Variants in PTPRN2 observed in about 807,000 individuals in gnomAD.
PTPRN2 encodes the protein receptor-type tyrosine-protein phosphatase N2.
PTPRN2 carries 74 observed loss-of-function variants against 118.8 expected under a neutral mutation model. The ratio of observed to expected loss-of-function variants is 0.62; its 90% CI spans 0.52 to 0.76. PTPRN2 has a LOEUF of 0.76. PTPRN2 is among the 30% of genes least tolerant of loss of function. The pLI is 0.00. For missense variants in PTPRN2, 1,481 were observed against 1,394.4 expected (o/e 1.06, Z -0.99); for synonymous variants, 641 against 608.0 (o/e 1.05, Z -0.80).
chr7:157,813,565 G>T lies in PTPRN2; in HGVS notation c.1788+85108C>A, dbSNP rs369528558. On this transcript the variant is annotated intron_variant, in intron 12 of 22. Transcript: ENST00000389418. This position sits in a 1 kb window ranked among gnomAD's most constrained non-coding sequence, Gnocchi z 4.7. ...CGTATAAAAAAGAAAGTTCAAATGC[G>T]CAGAAGAAAGATCAGAGGACAAGAT... 6.6e-6 allele frequency among the ~76,000 whole-genome samples: 1 copy of T among 152,198 alleles called. No individual in the cohort carries two copies. Among genetic ancestry groups the T allele is most frequent in the East Asian group, 1.9e-4 (1 of 5,206 alleles).
At chr7:158,523,979 G>A (rs1824531513) in intron 1 of PTPRN2, among the ~76,000 whole-genome samples, 1 of 77,532 alleles carries the variant, frequency 1.3e-5, no homozygotes, top group Non-Finnish European at 2.6e-5. Context: ...CGGCCCTGGA[G>A]TGGAGTCTGC....
At chr7:157,905,463 G>T (rs1389438429) in intron 11 of PTPRN2, among the ~76,000 whole-genome samples, 1 of 152,036 alleles carries the variant, frequency 6.6e-6, no homozygotes, top group East Asian at 1.9e-4. Flanking sequence ...AGACAAAAAG[G>T]GTTTCCAAAC....
chr7:157,942,340 T>C (rs1216980604), intron 11 of PTPRN2, among the ~76,000 whole-genome samples: 1 of 152,170 alleles, frequency 6.6e-6, no homozygotes, highest in Admixed American at 6.5e-5. Flanking sequence ...GCCTTCACCC[T>C]AGTTTTGCTC....
intron 1 of PTPRN2, among the ~76,000 whole-genome samples, chr7:158,556,383 G>T (rs377486926): frequency 6.6e-6 from 1 of 151,864 alleles, no homozygotes; most frequent in African/African-American, 2.4e-5. Flanking sequence ...GTGAAACTAC[G>T]TCTCTACTAA....
intron 11 of PTPRN2, among the ~76,000 whole-genome samples, chr7:158,008,620 G>C (rs528014406): frequency 1.3e-5 from 2 of 152,300 alleles, no homozygotes; most frequent in African/African-American, 4.8e-5. Flanking sequence ...CATTCCAAAA[G>C]CAGCAGCCTG....
chr7:157,956,029 C>T (rs1801166295), intron 11 of PTPRN2, among the ~76,000 whole-genome samples: 1 of 152,164 alleles, frequency 6.6e-6, no homozygotes, highest in Non-Finnish European at 1.5e-5. Context: ...GGGACACTGC[C>T]CCAGGCCATT....
intron 3 of PTPRN2, among the ~76,000 whole-genome samples, chr7:158,253,925 G>T (rs1305766094): frequency 2.2e-5 from 2 of 92,928 alleles, no homozygotes; most frequent in Non-Finnish European, 4.1e-5. Context: ...CCATCTCTAC[G>T]TTCAGGAGCA....
intron 11 of PTPRN2, among the ~76,000 whole-genome samples, chr7:157,989,067 C>T (rs142857464): frequency 3.8e-4 from 58 of 152,330 alleles, no homozygotes; most frequent in Non-Finnish European, 6.3e-4. Context: ...CAGATACCCC[C>T]GGGCTGGAGG....
intron 1 of PTPRN2, among the ~76,000 whole-genome samples, chr7:158,553,064 G>A (rs1826765107): frequency 6.6e-6 from 1 of 151,710 alleles, no homozygotes; most frequent in African/African-American, 2.4e-5. Context: ...CCACAGACTT[G>A]GGAGTCTACA....
chr7:157,974,711 G>A lies in PTPRN2; in HGVS notation c.1724-75974C>T, dbSNP rs1016291736. Among the ~76,000 whole-genome samples the A allele has an allele frequency of 3.3e-5, 5 of 151,962 alleles. No homozygotes were observed. The highest frequency in any genetic ancestry group is 1.2e-4 in the African/African-American group (5 of 41,348). ...GGGCAGGGCTCCATGGGAAGACACA[G>A]GTAGCGGGTCAGGTGCTGGGGAGGT... is the stretch of plus-strand genomic sequence containing the variant. On this transcript the variant is annotated intron_variant, in intron 11 of 22. Coordinates refer to ENST00000389418, the MANE Select transcript of PTPRN2 (RefSeq NM_002847.5). The surrounding 1 kb of genome is among the most constrained non-coding windows in gnomAD (Gnocchi z 4.0).
At chr7:157,546,701 C>G (rs1798336166) in intron 22 of PTPRN2, among the ~76,000 whole-genome samples, 1 of 152,186 alleles carries the variant, frequency 6.6e-6, no homozygotes, top group African/African-American at 2.4e-5. Context: ...GCGTTGGTTC[C>G]ATGTCTTTGC....
In PTPRN2 at chr7:158,071,349, G is replaced by GTGGTAGTGGAGGTGCCCA. The variant is rs1563390634; in HGVS notation, c.1723+9948_1723+9949insTGGGCACCTCCACTACCA. Among the ~76,000 whole-genome samples the GTGGTAGTGGAGGTGCCCA allele has an allele frequency of 2.5e-4, 23 of 93,466 alleles. 1 individual carries two copies. Among genetic ancestry groups the GTGGTAGTGGAGGTGCCCA allele is most frequent in the Non-Finnish European group, 3.9e-4 (19 of 48,398 alleles). The allele number at this position is 93,466 out of a possible 152,430, so 61.3% of individuals were successfully genotyped here. On this transcript the variant is annotated intron_variant, in intron 11 of 22. Coordinates refer to ENST00000389418, the MANE Select transcript of PTPRN2 (RefSeq NM_002847.5). ...GGTGCCCATGGTGGTGGAGGTGCTC[G>GTGGTAGTGGAGGTGCCCA]TGGTGGTGGAGGTGCTCATGGTGGT...
At chr7:158,338,785 G>T (rs1284424068) in intron 2 of PTPRN2, among the ~76,000 whole-genome samples, 1 of 14,930 alleles carries the variant, frequency 6.7e-5, no homozygotes. Context: ...ACCATAAGAA[G>T]TGACACCTGC....
chr7:158,221,749 C>A (rs1243424118), intron 3 of PTPRN2, among the ~76,000 whole-genome samples: 2 of 152,100 alleles, frequency 1.3e-5, no homozygotes, highest in Non-Finnish European at 2.9e-5. Context: ...CTACCAGGTC[C>A]CCTCCCACAA....
intron 5 of PTPRN2, among the ~76,000 whole-genome samples, chr7:158,178,589 CTTTTTTTT>C (rs56710690): frequency 4.5e-5 from 3 of 67,390 alleles, no homozygotes; most frequent in African/African-American, 1.6e-4. Flanking sequence ...CATTTTCTTT[CTTTTTTTT>C]TTTTTTTTTT....
intron 3 of PTPRN2, among the ~76,000 whole-genome samples, chr7:158,290,312 G>T (rs1417683339): frequency 6.6e-6 from 1 of 152,176 alleles, no homozygotes; most frequent in Admixed American, 6.5e-5. Flanking sequence ...GGTCAGTGAG[G>T]GCTGGTTCAG....
chr7:158,205,619 A>C (rs1021866202), intron 3 of PTPRN2, among the ~76,000 whole-genome samples: 1 of 152,150 alleles, frequency 6.6e-6, no homozygotes, highest in African/African-American at 2.4e-5. Context: ...TACGAACCAA[A>C]TTTCAGGTGA....
intron 2 of PTPRN2, among the ~76,000 whole-genome samples, chr7:158,476,675 CCTGGAGG>C (rs1820290125): frequency 6.6e-6 from 1 of 152,236 alleles, no homozygotes; most frequent in Non-Finnish European, 1.5e-5. Flanking sequence ...TGCCAGGCAG[CCTGGAGG>C]CTGGAAAAAA....
intron 21 of PTPRN2, among the ~76,000 whole-genome samples, chr7:157,563,919 G>C (rs1799351272): frequency 6.6e-6 from 1 of 152,232 alleles, no homozygotes; most frequent in African/African-American, 2.4e-5. Flanking sequence ...ACACACAGCA[G>C]ATCAGGACCA....
Sources: allele counts gnomAD v4.1 joint callset (sites outside exome capture counted in the v4.1 genomes callset), GRCh38; gene constraint gnomAD v4.1.1; non-coding constraint Gnocchi (gnomAD v3.1); transcripts MANE v1.5; gene names NCBI Gene and HGNC (gene_info 2026-07-23, HGNC 2026-07-21).